The following DLG2 variants were observed in gnomAD, a reference collection of about 807,000 sequenced individuals.
The protein encoded by DLG2 is discs large MAGUK scaffold protein 2.
In DLG2, 45 loss-of-function variants were observed where a neutral mutation model predicts 132.5. That is an observed-to-expected ratio of 0.34 (90% CI 0.27 to 0.44). DLG2 has a LOEUF of 0.44. Among genes scored for constraint, DLG2 ranks in the 20% least tolerant of loss-of-function variants. The pLI is 1.00. For synonymous variants in DLG2, 424 were observed against 419.6 expected, an observed-to-expected ratio of 1.01 and a Z score of -0.13; for missense variants, 1,045 against 1,196.9, an observed-to-expected ratio of 0.87 and a Z score of 1.87.
chr11:83,720,322 A>G (rs2153683056), intron 18 of DLG2, among the ~76,000 whole-genome samples: 2 of 148,894 alleles, frequency 1.3e-5, no homozygotes, highest in African/African-American at 4.9e-5. Flanking sequence ...AAAAAAAAAA[A>G]AAAAGAATGA....
intron 7 of DLG2, among the ~76,000 whole-genome samples, chr11:84,452,992 C>A (rs2099055792): frequency 1.3e-5 from 2 of 151,588 alleles, no homozygotes; most frequent in Admixed American, 1.3e-4. Flanking sequence ...GTATTCCAAT[C>A]ACCCTGATTT....
rs1043023462 is a variant in DLG2, at chr11:84,171,275, G to A, written c.574-7764C>T. ...TTTTAAAATTTGTATGAATTTAAGG[G>A]GTACAGGTGCAGTTTTGTTACATGG... is the stretch of plus-strand genomic sequence containing the variant. On this transcript the variant is annotated intron_variant, in intron 8 of 27. Transcript: ENST00000376104. 2.6e-5 allele frequency among the ~76,000 whole-genome samples: 4 copies of A among 152,054 alleles called. No individual in the cohort carries two copies. In the South Asian group the frequency reaches 8.3e-4, roughly 32 times the overall value.
At chr11:84,901,180 A>G (rs777877986) in intron 6 of DLG2, among the ~76,000 whole-genome samples, 2 of 152,082 alleles carry the variant, frequency 1.3e-5, no homozygotes, top group Non-Finnish European at 2.9e-5. Flanking sequence ...AATAGCCATA[A>G]TATATATTTC....
intron 6 of DLG2, chr11:84,546,841 A>G (rs1232447506): frequency 5.0e-6 from 1 of 199,104 alleles, no homozygotes; most frequent in African/African-American, 2.3e-5. Flanking sequence ...CGACTTAGAC[A>G]TGATGGCAGT....
chr11:84,374,665 C>T (rs2098721905), intron 7 of DLG2, among the ~76,000 whole-genome samples: 1 of 152,124 alleles, frequency 6.6e-6, no homozygotes, highest in Admixed American at 6.6e-5. Flanking sequence ...ATTCATATCT[C>T]ATCAACTCTG....
chr11:84,113,470 T>G (rs2093467745), intron 9 of DLG2, among the ~76,000 whole-genome samples: 1 of 152,168 alleles, frequency 6.6e-6, no homozygotes, highest in Non-Finnish European at 1.5e-5. Flanking sequence ...TAAAGTGAGA[T>G]TGTTGTTTTA....
chr11:84,444,819 T>C (rs960583682), intron 7 of DLG2, among the ~76,000 whole-genome samples: 1 of 145,042 alleles, frequency 6.9e-6, no homozygotes, highest in East Asian at 1.9e-4. Context: ...TTTTTTTTTC[T>C]TTGAGACAGA....
At chr11:84,751,501 C>G (rs1464403480) in intron 6 of DLG2, among the ~76,000 whole-genome samples, 1 of 151,998 alleles carries the variant, frequency 6.6e-6, no homozygotes, top group South Asian at 2.1e-4. Context: ...GTAGTTCTCA[C>G]TCTCTTTCTC....
At chr11:85,494,707 A>G (rs573459860) in intron 3 of DLG2, among the ~76,000 whole-genome samples, 23 of 151,904 alleles carry the variant, frequency 1.5e-4, no homozygotes, top group African/African-American at 5.1e-4. Context: ...GTATTTCAAA[A>G]GCACATTTGC....
At chr11:84,149,530 T>A (rs1047737286) in intron 9 of DLG2, among the ~76,000 whole-genome samples, 4 of 152,084 alleles carry the variant, frequency 2.6e-5, no homozygotes, top group African/African-American at 4.8e-5. Context: ...TGGCTTTAGG[T>A]GTGTGGCTTT....
At chr11:84,071,579 T>C (rs1034895788) in intron 10 of DLG2, among the ~76,000 whole-genome samples, 3 of 152,172 alleles carry the variant, frequency 2.0e-5, no homozygotes, top group African/African-American at 7.2e-5. Context: ...ATTCTAGCCC[T>C]TATTGTCAAT....
At chr11:84,809,371 C>G (rs759491744) in intron 6 of DLG2, among the ~76,000 whole-genome samples, 1 of 151,336 alleles carries the variant, frequency 6.6e-6, no homozygotes, top group Non-Finnish European at 1.5e-5. Flanking sequence ...TGATTAGGAG[C>G]AAGACAAGGA....
At chr11:83,866,896 C>T (rs986335362) in intron 16 of DLG2, among the ~76,000 whole-genome samples, 2 of 152,160 alleles carry the variant, frequency 1.3e-5, no homozygotes, top group African/African-American at 4.8e-5. Flanking sequence ...GACTCCTGAC[C>T]TGTGACTTCC....
chr11:84,542,097 C>T (rs1395619477), intron 6 of DLG2, among the ~76,000 whole-genome samples: 1 of 151,660 alleles, frequency 6.6e-6, no homozygotes, highest in Non-Finnish European at 1.5e-5. Context: ...GCTCTACTTC[C>T]CCCTTGTAGC....
chr11:85,542,595 G>A lies in DLG2; in HGVS notation c.40+56062C>T, dbSNP rs76986461. ...TATATGACAACATGAACAATACAAA[G>A]AATCCTGACTTGTTGGCTCTGGGTT... On this transcript the variant is annotated intron_variant, in intron 3 of 27. Coordinates refer to ENST00000376104, the MANE Select transcript of DLG2 (RefSeq NM_001142699.3). Among the ~76,000 whole-genome samples the A allele has an allele frequency of 9.2e-3, 1,398 of 152,090 alleles. 19 individuals carry two copies. The highest frequency in any genetic ancestry group is 0.03 in the African/African-American group (1,248 of 41,484).
At chr11:84,183,830 G>C (rs1325459599) in intron 8 of DLG2, among the ~76,000 whole-genome samples, 2 of 152,102 alleles carry the variant, frequency 1.3e-5, no homozygotes, top group African/African-American at 4.8e-5. Flanking sequence ...GTGGTGCTTG[G>C]TTTTTTGTCC....
At chr11:84,185,727 T>C (rs1430212501) in intron 8 of DLG2, among the ~76,000 whole-genome samples, 4 of 152,186 alleles carry the variant, frequency 2.6e-5, no homozygotes, top group Non-Finnish European at 5.9e-5. Context: ...ATATCTCTTA[T>C]TATTTTGAGG....
At chr11:83,802,152 G>A (rs759164845) in intron 17 of DLG2, among the ~76,000 whole-genome samples, 11 of 150,856 alleles carry the variant, frequency 7.3e-5, no homozygotes, top group Admixed American at 3.3e-4. Context: ...ATTATGCCTC[G>A]CTAATTAAAA....
intron 15 of DLG2, among the ~76,000 whole-genome samples, chr11:83,924,327 A>G (rs1382222010): frequency 6.6e-6 from 1 of 152,156 alleles, no homozygotes; most frequent in Non-Finnish European, 1.5e-5. Context: ...CTTGCCAAAG[A>G]TAAGTTTTAG....
Sources: gnomAD v4.1 joint callset for allele counts (sites outside exome capture counted in the v4.1 genomes callset) on GRCh38, gnomAD v4.1.1 for gene constraint, MANE v1.5 for transcripts, NCBI Gene and HGNC (gene_info 2026-07-23, HGNC 2026-07-21) for gene names.